PPA2: variants seen among roughly 807,000 people sequenced by gnomAD.
The protein encoded by PPA2 is inorganic pyrophosphatase 2, mitochondrial.
A neutral mutation model predicts 49.5 loss-of-function variants in PPA2; 48 were observed. The observed-to-expected ratio is 0.97, with a 90% CI of 0.77 to 1.23. The LOEUF is 1.23. Among genes scored for constraint, PPA2 ranks in the 50% most tolerant of loss-of-function variants. The probability of loss-of-function intolerance (pLI) is 0.00; values close to 1 mark genes in which losing one functional copy is unlikely to be tolerated. For synonymous variants in PPA2, 131 were observed against 139.9 expected (o/e 0.94, Z 0.45); for missense variants, 429 against 410.1 (o/e 1.05, Z -0.40).
chr4:105,412,101 T>G (rs1434742045), intron 7 of PPA2, among the ~76,000 whole-genome samples: 2 of 152,190 alleles, frequency 1.3e-5, no homozygotes, highest in Non-Finnish European at 2.9e-5. Context: ...ACTTTAAAGT[T>G]CATATGGAAT....
intron 3 of PPA2, among the ~76,000 whole-genome samples, chr4:105,452,446 A>T (rs1418613908): frequency 6.6e-6 from 1 of 152,198 alleles, no homozygotes; most frequent in Non-Finnish European, 1.5e-5. Context: ...ACCTAGATTA[A>T]CCAGGCCCTA....
intron 1 of PPA2, among the ~76,000 whole-genome samples, chr4:105,466,571 G>A (rs1344387788): frequency 6.6e-6 from 1 of 152,168 alleles, no homozygotes. Context: ...GGGGCAGAAG[G>A]CAGAAGGAGA....
chr4:105,417,008 T>G (rs1436784711), intron 7 of PPA2, among the ~76,000 whole-genome samples: 10 of 152,204 alleles, frequency 6.6e-5, no homozygotes, highest in Non-Finnish European at 1.5e-4. Flanking sequence ...TCTCAAAATA[T>G]AGACATTCAT....
At chr4:105,462,986 T>C (rs887985251) in intron 1 of PPA2, among the ~76,000 whole-genome samples, 10 of 152,124 alleles carry the variant, frequency 6.6e-5, no homozygotes, top group Admixed American at 1.3e-4. Flanking sequence ...AGCATGAAAA[T>C]AAACTAATAC....
intron 7 of PPA2, among the ~76,000 whole-genome samples, chr4:105,410,953 CA>C (rs1232937144): frequency 6.6e-6 from 1 of 152,172 alleles, no homozygotes; most frequent in Non-Finnish European, 1.5e-5. Context: ...CCAGCCACTG[CA>C]AAAACATGCC....
intron 10 of PPA2, among the ~76,000 whole-genome samples, chr4:105,381,732 T>TG (rs1355971996): frequency 8.4e-4 from 128 of 152,260 alleles, no homozygotes; most frequent in African/African-American, 3.0e-3. Context: ...TAATTCTTGC[T>TG]ATTTTTACTT....
At chr4:105,452,416 A>C (rs1024194475) in intron 3 of PPA2, among the ~76,000 whole-genome samples, 3 of 152,186 alleles carry the variant, frequency 2.0e-5, no homozygotes, top group Admixed American at 6.5e-5. Context: ...TTTAGGATGC[A>C]CCTAGAATAC....
intron 6 of PPA2, among the ~76,000 whole-genome samples, chr4:105,435,687 G>C (rs542129887): frequency 6.6e-6 from 1 of 152,002 alleles, no homozygotes. Context: ...ACCACATAAA[G>C]AAAACTAAGA....
intron 10 of PPA2, among the ~76,000 whole-genome samples, chr4:105,382,725 G>A (rs112348848): frequency 0.055 from 8,394 of 152,208 alleles, 299 homozygotes; most frequent in Non-Finnish European, 0.077. Flanking sequence ...TAGGCTGGGT[G>A]CGATGGCTTA....
intron 7 of PPA2, chr4:105,405,398 G>T (rs976843786): frequency 8.9e-6 from 7 of 786,302 alleles, no homozygotes; most frequent in African/African-American, 1.9e-5. Context: ...CAACAGACAC[G>T]TTTACTTTTA....
intron 1 of PPA2, among the ~76,000 whole-genome samples, chr4:105,469,167 T>C (rs1165129847): frequency 6.6e-6 from 1 of 152,222 alleles, no homozygotes; most frequent in Non-Finnish European, 1.5e-5. Context: ...AAGAGATAAA[T>C]GATTGTAGTC....
At chr4:105,408,711 C>A (rs61117510) in intron 7 of PPA2, among the ~76,000 whole-genome samples, 45,393 of 151,966 alleles carry the variant, frequency 0.3, 6,983 homozygotes, top group Middle Eastern at 0.33. Context: ...ATTCCAAGTA[C>A]AAATGAATGC....
intron 7 of PPA2, among the ~76,000 whole-genome samples, chr4:105,404,366 C>G (rs1722360260): frequency 6.6e-6 from 1 of 151,776 alleles, no homozygotes; most frequent in Non-Finnish European, 1.5e-5. Context: ...ATATTAAAAG[C>G]AAATAAACAA....
intron 4 of PPA2, chr4:105,448,064 C>T: frequency 2.5e-6 from 1 of 405,278 alleles, no homozygotes; most frequent in Admixed American, 2.8e-5. Flanking sequence ...AGTTTTCTAT[C>T]ATGTATATTC....
chr4:105,441,584 T>C (rs994813650), intron 5 of PPA2, among the ~76,000 whole-genome samples: 6 of 152,064 alleles, frequency 3.9e-5, no homozygotes, highest in Admixed American at 1.3e-4. Context: ...ATATATACTA[T>C]CTATAGAATA....
chr4:105,410,334 T>C (rs945699253), intron 7 of PPA2, among the ~76,000 whole-genome samples: 7 of 151,842 alleles, frequency 4.6e-5, no homozygotes, highest in Non-Finnish European at 8.8e-5. Context: ...ATCAAATTAA[T>C]GAAATAAAGC....
chr4:105,423,751 C>CT (rs1723358391), intron 7 of PPA2, among the ~76,000 whole-genome samples: 1 of 152,168 alleles, frequency 6.6e-6, no homozygotes, highest in South Asian at 2.1e-4. Flanking sequence ...GAGACAAAAA[C>CT]TAGGTGCAGA....
intron 10 of PPA2, among the ~76,000 whole-genome samples, chr4:105,377,725 C>G (rs1202838935): frequency 1.3e-5 from 2 of 152,088 alleles, no homozygotes; most frequent in Non-Finnish European, 2.9e-5. Flanking sequence ...CTTCCTGGCT[C>G]TCTCTGATCT....
intron 6 of PPA2, among the ~76,000 whole-genome samples, chr4:105,424,566 C>T (rs1187805845): frequency 2.6e-5 from 4 of 152,122 alleles, no homozygotes; most frequent in Non-Finnish European, 4.4e-5. Context: ...CCTCCCATTG[C>T]AAACAACTAA....
Sources: allele counts gnomAD v4.1 joint callset (sites outside exome capture counted in the v4.1 genomes callset), GRCh38; gene constraint gnomAD v4.1.1; transcripts MANE v1.5; gene names NCBI Gene and HGNC (gene_info 2026-07-23, HGNC 2026-07-21).